The following GREM1 variants were observed in gnomAD, a reference collection of about 807,000 sequenced individuals.
The protein encoded by GREM1 is gremlin 1, DAN family BMP antagonist, also known as gremlin-1.
In GREM1, 6 loss-of-function variants were observed where a neutral mutation model predicts 13.1. That is an observed-to-expected ratio of 0.46 (90% CI 0.25 to 0.91). The LOEUF (loss-of-function observed/expected upper bound fraction) is 0.91, where lower values mean the gene tolerates loss of function less well. GREM1 is among the 40% of genes least tolerant of loss of function. The pLI is 0.18. For synonymous variants in GREM1, 98 were observed against 93.7 expected, an observed-to-expected ratio of 1.05 and a Z score of -0.27; for missense variants, 185 against 233.9, an observed-to-expected ratio of 0.79 and a Z score of 1.36.
In GREM1 at chr15:32,737,055, AACT is replaced by A. The variant is rs2055705550; in HGVS notation, c.*5814_*5816del. The A allele has an allele frequency of 6.6e-6, 1 of 152,234 alleles. No homozygotes were observed. Among genetic ancestry groups the A allele is most frequent in the Non-Finnish European group, 1.5e-5 (1 of 68,038 alleles). The allele number at this position is 152,234 out of a possible 1,614,324, so 9.4% of individuals were successfully genotyped here. On this transcript the variant is annotated 3_prime_UTR_variant, in exon 2 of 2. Coordinates refer to ENST00000651154, the MANE Select transcript of GREM1 (RefSeq NM_013372.7). Reference sequence around the variant, plus strand: ...TGTCCACCACACCTATAAATAAACAAACTACTGAAACTGATTCAAGAAAAAATA... The same window carrying A: ...TGTCCACCACACCTATAAATAAACAAACTGAAACTGATTCAAGAAAAAATA...
At position 32,734,133 on chromosome 15, in the gene GREM1, A is replaced by G. The variant is rs1043322630; in HGVS notation, c.*2888A>G. On this transcript the variant is annotated 3_prime_UTR_variant, in exon 2 of 2. Coordinates refer to ENST00000651154, the MANE Select transcript of GREM1 (RefSeq NM_013372.7). ...AGAGTCTTTTATCTGGTCAGGGGAA[A>G]CAAAATCTTGACCCAGCTGAACATG... The G allele has an allele frequency of 4.1e-6, 1 of 242,390 alleles. No homozygotes were observed. 15.0% of individuals were successfully genotyped at this position (242,390 alleles called of 1,614,324 possible). A position where few individuals can be genotyped will look rare whatever the true frequency, so the allele number is the denominator to read the frequency against.
In GREM1 at chr15:32,743,231, G is replaced by T. The variant is rs2055776897; in HGVS notation, c.*11986G>T. The T allele has an allele frequency of 6.6e-6, 1 of 152,084 alleles. No individual in the cohort carries two copies. Among genetic ancestry groups the T allele is most frequent in the African/African-American group, 2.4e-5 (1 of 41,396 alleles). The allele number at this position is 152,084 out of a possible 1,614,324, so 9.4% of individuals were successfully genotyped here. A position where few individuals can be genotyped will look rare whatever the true frequency, so the allele number is the denominator to read the frequency against. On this transcript the variant is annotated 3_prime_UTR_variant, in exon 2 of 2. Coordinates refer to ENST00000651154, the MANE Select transcript of GREM1 (RefSeq NM_013372.7). The stretch of plus-strand genomic sequence containing the variant: ...ATTTGAATATAGAGGCTGGAAGAAA[G>T]ATTTTTTTCTTTCTCTAGGATGACA...
chr15:32,730,072 T>A (rs1336809182), intron 1 of GREM1, among the ~76,000 whole-genome samples: 1 of 152,192 alleles, frequency 6.6e-6, no homozygotes, highest in Non-Finnish European at 1.5e-5. Context: ...AATGGAGTGA[T>A]TTACTGAGAG....
In GREM1 at chr15:32,730,794, C is replaced by A. The variant is rs779454972; in HGVS notation, c.104C>A (p.Pro35Gln). The A allele has an allele frequency of 3.1e-6, 5 of 1,613,854 alleles. No homozygotes were observed. Among genetic ancestry groups the A allele is most frequent in the South Asian group, 1.1e-5 (1 of 91,028 alleles). Reference sequence around the variant, plus strand: ...AAAGGGTCCCAAGGTGCCATCCCCCCGCCAGACAAGGCCCAGCACAATGAC... The same window carrying A: ...AAAGGGTCCCAAGGTGCCATCCCCCAGCCAGACAAGGCCCAGCACAATGAC... ...KKKGSQGAIP[P>Q]PDKAQHNDSE... The change falls in exon 2 of 2, where the codon CCG becomes CAG. Residue 35 changes from proline to glutamine, a missense_variant. Pro to Gln is a moderately conservative substitution (Grantham distance 76). Transcript: ENST00000651154.
chr15:32,727,071 C>T (rs2055522020), intron 1 of GREM1, among the ~76,000 whole-genome samples: 1 of 152,268 alleles, frequency 6.6e-6, no homozygotes, highest in South Asian at 2.1e-4. Flanking sequence ...CCGAAGTCTA[C>T]CAGAGGTACA....
Position 32,731,643 on chromosome 15 carries a change from G to T in GREM1, c.*398G>T, listed in dbSNP as rs1474026885. On this transcript the variant is annotated 3_prime_UTR_variant, in exon 2 of 2. Transcript: ENST00000651154. Reference sequence around the variant, plus strand: ...GTTCATGGAAGAGGCTCCTCTGAGGGCAAGAGACCTGTTTTAGTGCTGCAT... The same window carrying T: ...GTTCATGGAAGAGGCTCCTCTGAGGTCAAGAGACCTGTTTTAGTGCTGCAT... 3.4e-6 allele frequency: 1 copy of T among 296,712 alleles called. No individual in the cohort carries two copies. The highest frequency in any genetic ancestry group is 6.6e-6 in the Non-Finnish European group (1 of 150,586). The allele number at this position is 296,712 out of a possible 1,614,324, so 18.4% of individuals were successfully genotyped here.
intron 1 of GREM1, among the ~76,000 whole-genome samples, chr15:32,723,309 GT>G (rs2055442475): frequency 6.6e-6 from 1 of 152,172 alleles, no homozygotes; most frequent in South Asian, 2.1e-4. Context: ...CAGTCTGGGG[GT>G]GGGGAGAGCT....
Position 32,731,541 on chromosome 15 carries a change from G to A in GREM1, c.*296G>A. The A allele has an allele frequency of 2.2e-6, 1 of 444,550 alleles. No individual in the cohort carries two copies. Among genetic ancestry groups the A allele is most frequent in the Non-Finnish European group, 4.1e-6 (1 of 242,188 alleles). The allele number at this position is 444,550 out of a possible 1,614,324, so 27.5% of individuals were successfully genotyped here. ...CACCTCACCCCGGCTCACATCTAAA[G>A]GGGCGGGGCCGTGGTCTGGTTCTGA... On this transcript the variant is annotated 3_prime_UTR_variant, in exon 2 of 2. Transcript: ENST00000651154.
intron 1 of GREM1, among the ~76,000 whole-genome samples, chr15:32,723,352 G>A (rs1019750273): frequency 1.2e-4 from 19 of 152,132 alleles, no homozygotes; most frequent in Non-Finnish European, 2.5e-4. Context: ...GCAGAGCCCT[G>A]GTTCCACTAT....
At chr15:32,719,336 C>CA (rs1189230926) in intron 1 of GREM1, among the ~76,000 whole-genome samples, 1 of 152,218 alleles carries the variant, frequency 6.6e-6, no homozygotes, top group Non-Finnish European at 1.5e-5. Context: ...TTGCCTGCGC[C>CA]AGGCTCTGGC....
In GREM1 at chr15:32,742,455, G is replaced by A. The variant is rs571227746; in HGVS notation, c.*11210G>A. ...TCTTAAAATGCCCATATTACCCAAAGTGATCTATAGATTCATGCAATCCCC... is the reference window on the plus strand; with the variant it reads ...TCTTAAAATGCCCATATTACCCAAAATGATCTATAGATTCATGCAATCCCC... On this transcript the variant is annotated 3_prime_UTR_variant, in exon 2 of 2. Transcript: ENST00000651154. 4 of 152,208 alleles carry A rather than the reference G, an allele frequency of 2.6e-5. No homozygotes were observed. The highest frequency in any genetic ancestry group is 9.6e-5 in the African/African-American group (4 of 41,542). 9.4% of individuals were successfully genotyped at this position (152,208 alleles called of 1,614,324 possible).
Position 32,741,802 on chromosome 15 carries a change from T to C in GREM1, c.*10557T>C, listed in dbSNP as rs1441714503. 1 of 152,186 alleles carries C rather than the reference T, an allele frequency of 6.6e-6. No homozygotes were observed. The highest frequency in any genetic ancestry group is 3.2e-3 in the Middle Eastern group (1 of 316). The allele number at this position is 152,186 out of a possible 1,614,324, so 9.4% of individuals were successfully genotyped here. On this transcript the variant is annotated 3_prime_UTR_variant, in exon 2 of 2. Transcript: ENST00000651154. ...CCATTATTCGGTATAATGTTAGTTA[T>C]GGGTTTTTAAAAATATATATGACCT...
At position 32,743,797 on chromosome 15, in the gene GREM1, A is replaced by C. The variant is rs1005589023; in HGVS notation, c.*12552A>C. 2 of 152,016 alleles carry C rather than the reference A, an allele frequency of 1.3e-5. No individual in the cohort carries two copies. The highest frequency in any genetic ancestry group is 2.9e-5 in the Non-Finnish European group (2 of 67,994). The allele number at this position is 152,016 out of a possible 1,614,324, so 9.4% of individuals were successfully genotyped here. ...TTTTCCCAGTTGTTCTTCAAAATGA[A>C]GTTTCCCGCTCCAAGTCCCAGCCAG... On this transcript the variant is annotated 3_prime_UTR_variant, in exon 2 of 2. Transcript: ENST00000651154.
At position 32,738,123 on chromosome 15, in the gene GREM1, A is replaced by G. The variant is rs1484612237; in HGVS notation, c.*6878A>G. The G allele has an allele frequency of 7.3e-6, 1 of 137,828 alleles. No individual in the cohort carries two copies. The highest frequency in any genetic ancestry group is 7.3e-5 in the Admixed American group (1 of 13,744). 8.5% of individuals were successfully genotyped at this position (137,828 alleles called of 1,614,324 possible). A position where few individuals can be genotyped will look rare whatever the true frequency, so the allele number is the denominator to read the frequency against. ...AAAAAAAAAAAAAAAAAAAAAAAAA[A>G]AAAAAAAAAAGAAAAGAAAAAAGTC... On this transcript the variant is annotated 3_prime_UTR_variant, in exon 2 of 2. Transcript: ENST00000651154.
rs1003947342 is a variant in GREM1 at position 32,731,421 on chromosome 15, G to C, written c.*176G>C. 2 of 618,360 alleles carry C rather than the reference G, an allele frequency of 3.2e-6. No homozygotes were observed. The highest frequency in any genetic ancestry group is 5.9e-6 in the Non-Finnish European group (2 of 341,808). The allele number at this position is 618,360 out of a possible 1,614,324, so 38.3% of individuals were successfully genotyped here. ...TGCATGAGTGTGGATGGGTGCCTGT[G>C]GGTGTTTTTAGACACCAGAGAAAAC... On this transcript the variant is annotated 3_prime_UTR_variant, in exon 2 of 2. Coordinates refer to ENST00000651154, the MANE Select transcript of GREM1 (RefSeq NM_013372.7).
At chr15:32,718,318 G>T (rs1567105957) in intron 1 of GREM1, 157 bp downstream of exon 1, 1 of 578,180 alleles carries the variant, frequency 1.7e-6, no homozygotes, top group Non-Finnish European at 3.1e-6. Flanking sequence ...CCATCGCGGG[G>T]TCCTTCCTGC....
Position 32,739,170 on chromosome 15 carries a change from A to G in GREM1, c.*7925A>G, listed in dbSNP as rs2055740296. 6.6e-6 allele frequency: 1 copy of G among 152,262 alleles called. No individual in the cohort carries two copies. The allele number at this position is 152,262 out of a possible 1,614,324, so 9.4% of individuals were successfully genotyped here. A position where few individuals can be genotyped will look rare whatever the true frequency, so the allele number is the denominator to read the frequency against. On this transcript the variant is annotated 3_prime_UTR_variant, in exon 2 of 2. Transcript: ENST00000651154. ...GTAGAAATCCTAAGGAATTTACAAA[A>G]GAACTGCTACCCTGAAAGAATTGTT...
intron 1 of GREM1, chr15:32,718,372 G>A (rs1413869176): frequency 6.0e-6 from 3 of 499,452 alleles, no homozygotes; most frequent in African/African-American, 5.8e-5. Context: ...GGTCTGCAGG[G>A]AAACGTAGGA....
rs1253891467 is a variant in GREM1 at position 32,735,785 on chromosome 15, AAAG to A, written c.*4546_*4548del. On this transcript the variant is annotated 3_prime_UTR_variant, in exon 2 of 2. Coordinates refer to ENST00000651154, the MANE Select transcript of GREM1 (RefSeq NM_013372.7). The stretch of plus-strand genomic sequence containing the variant: ...ATTTCAAGCTTAAGAAAAAAAAAAA[AAAG>A]AAGAATGTGGGAGGATGTCAGCAAC... 1.5e-3 allele frequency: 223 copies of A among 151,622 alleles called. No homozygotes were observed. Among genetic ancestry groups the A allele is most frequent in the African/African-American group, 5.2e-3 (213 of 41,316 alleles). 9.4% of individuals were successfully genotyped at this position (151,622 alleles called of 1,614,324 possible).
Sources: gnomAD v4.1 joint callset for allele counts (sites outside exome capture counted in the v4.1 genomes callset) on GRCh38, gnomAD v4.1.1 for gene constraint, MANE v1.5 for transcripts, NCBI Gene and HGNC (gene_info 2026-07-23, HGNC 2026-07-21) for gene names.